Variants in RICTOR observed in about 807,000 individuals in gnomAD.
The protein encoded by RICTOR is RPTOR independent companion of MTOR complex 2.
Under a neutral mutation model 214.9 loss-of-function variants are expected in RICTOR, and 49 were observed. The ratio of observed to expected loss-of-function variants is 0.23; its 90% confidence interval spans 0.18 to 0.29. The LOEUF (loss-of-function observed/expected upper bound fraction) is 0.29. RICTOR is among the 10% of genes least tolerant of loss of function. The pLI, the probability that RICTOR is intolerant of heterozygous loss-of-function variation, is 1.00. For missense variants in RICTOR, 1,625 were observed against 2,047.0 expected, an observed-to-expected ratio of 0.79 and a Z score of 3.98; for synonymous variants, 717 against 711.3, an observed-to-expected ratio of 1.01 and a Z score of -0.13.
chr5:38,990,635 C>CAGATATATATCAGATATATCATATATA (rs1561501619), intron 7 of RICTOR, among the ~76,000 whole-genome samples: 1 of 46,068 alleles, frequency 2.2e-5, no homozygotes, highest in African/African-American at 7.9e-5. Flanking sequence ...ATATATATAT[C>CAGATATATATCAGATATATCATATATA]TGACATATAT....
intron 2 of RICTOR, among the ~76,000 whole-genome samples, chr5:39,032,518 C>A (rs1756348038): frequency 6.6e-6 from 1 of 152,160 alleles, no homozygotes; most frequent in South Asian, 2.1e-4. Flanking sequence ...GAAGTCATCA[C>A]ATCATGCTAA....
chr5:39,034,438 C>A (rs1756505095), intron 2 of RICTOR, among the ~76,000 whole-genome samples: 1 of 152,232 alleles, frequency 6.6e-6, no homozygotes, highest in African/African-American at 2.4e-5. Flanking sequence ...GTAACGGGTT[C>A]ATCTCACTGG....
At chr5:39,024,417 A>G (rs1755655210) in intron 2 of RICTOR, among the ~76,000 whole-genome samples, 2 of 152,234 alleles carry the variant, frequency 1.3e-5, no homozygotes, top group African/African-American at 2.4e-5. Context: ...GTATTTAGTA[A>G]TATCTTTTCA....
At chr5:38,994,413 T>C (rs1325986406) in intron 6 of RICTOR, among the ~76,000 whole-genome samples, 1 of 51,552 alleles carries the variant, frequency 1.9e-5, no homozygotes, top group Non-Finnish European at 3.8e-5. Flanking sequence ...GCTGCCAAGG[T>C]TTTACTAAAA....
At chr5:39,049,439 C>T (rs954632397) in intron 2 of RICTOR, among the ~76,000 whole-genome samples, 1 of 152,082 alleles carries the variant, frequency 6.6e-6, no homozygotes, top group South Asian at 2.1e-4. Context: ...GTAATACAGT[C>T]TCTGTTTCAA....
intron 2 of RICTOR, among the ~76,000 whole-genome samples, chr5:39,055,285 T>G (rs1758126245): frequency 6.6e-6 from 1 of 152,158 alleles, no homozygotes; most frequent in African/African-American, 2.4e-5. Context: ...CCATACTGGT[T>G]CTTTCCTGTC....
chr5:39,057,385 C>A (rs1314569242), intron 2 of RICTOR, among the ~76,000 whole-genome samples: 3 of 151,980 alleles, frequency 2.0e-5, no homozygotes, highest in African/African-American at 4.8e-5. Flanking sequence ...GGGATGTCTG[C>A]GAAATTAATC....
At chr5:38,945,347 C>T in intron 34 of RICTOR, 144 bp downstream of exon 34, 1 of 636,162 alleles carries the variant, frequency 1.6e-6, no homozygotes, top group East Asian at 2.7e-5. Context: ...AGCATCTCAG[C>T]ATAACATAAT....
At chr5:38,990,534 TACGATATATAC>T (rs1257393160) in intron 7 of RICTOR, among the ~76,000 whole-genome samples, 1 of 22,768 alleles carries the variant, frequency 4.4e-5, no homozygotes, top group African/African-American at 8.9e-5. Context: ...ACGATATATA[TACGATATATAC>T]ACGATATACA....
rs755415872 is a variant in RICTOR at position 38,960,470 on chromosome 5, C to T, written c.1779G>A (p.Leu593=). ...PSSKLYANLD[L]DFAKAKQLTV... is the part of the protein sequence containing the mutation. The stretch of plus-strand genomic sequence containing the variant: ...TGAGCTGTTTGGCCTTGGCAAAATC[C>T]AGATCCAGGTTGGCATATAATTTAC... The change falls in exon 20 of 38, where the codon CTG becomes CTA. Residue 593 remains leucine, a synonymous_variant. Transcript: ENST00000357387. 1.9e-6 allele frequency: 3 copies of T among 1,613,886 alleles called. No individual in the cohort carries two copies. The highest frequency in any genetic ancestry group is 2.5e-6 in the Non-Finnish European group (3 of 1,179,818).
intron 15 of RICTOR, 102 bp from the exon 16 acceptor site, chr5:38,964,994 TTC>T (rs1750101828): frequency 1.4e-5 from 8 of 580,740 alleles, no homozygotes; most frequent in Non-Finnish European, 2.1e-5. Flanking sequence ...CTATTACAAA[TTC>T]TGAGGTTTTA....
intron 2 of RICTOR, among the ~76,000 whole-genome samples, chr5:39,073,410 C>T (rs143963298): frequency 2.3e-3 from 344 of 152,266 alleles, no homozygotes; most frequent in African/African-American, 8.0e-3. Context: ...TTCCCCAGTT[C>T]GGAAGGTGTA....
intron 2 of RICTOR, among the ~76,000 whole-genome samples, chr5:39,060,521 T>C (rs888690724): frequency 6.6e-6 from 1 of 151,624 alleles, no homozygotes; most frequent in Non-Finnish European, 1.5e-5. Context: ...TTACAGAGGG[T>C]AGTAATAAAT....
chr5:38,958,352 G>T, intron 24 of RICTOR, 91 bp downstream of exon 24: 1 of 812,894 alleles, frequency 1.2e-6, no homozygotes, highest in Non-Finnish European at 2.2e-6. Context: ...ACTCTTCAGC[G>T]TACTTCCCAT....
intron 2 of RICTOR, among the ~76,000 whole-genome samples, chr5:39,025,519 CA>C (rs1701896066): frequency 6.6e-6 from 1 of 152,180 alleles, no homozygotes; most frequent in Non-Finnish European, 1.5e-5. Context: ...TAAGTCAGTT[CA>C]GTATACTATA....
chr5:38,972,385 A>C (rs1750859760), intron 10 of RICTOR, among the ~76,000 whole-genome samples: 2 of 152,240 alleles, frequency 1.3e-5, no homozygotes, highest in African/African-American at 4.8e-5. Context: ...AGTATAAGTA[A>C]TAGACTTCAA....
chr5:38,992,964 A>ATT (rs1249947986), intron 6 of RICTOR, among the ~76,000 whole-genome samples: 1 of 152,234 alleles, frequency 6.6e-6, no homozygotes, highest in Non-Finnish European at 1.5e-5. Context: ...CTAATATTTG[A>ATT]GCTCAGACTA....
intron 9 of RICTOR, among the ~76,000 whole-genome samples, chr5:38,977,533 T>C (rs763848595): frequency 3.3e-5 from 5 of 151,468 alleles, no homozygotes; most frequent in Non-Finnish European, 7.4e-5. Flanking sequence ...AAGTAGATCA[T>C]GGTATGTTAG....
chr5:38,962,224 T>A, intron 19 of RICTOR, 91 bp downstream of exon 19: 1 of 531,742 alleles, frequency 1.9e-6, no homozygotes. Context: ...TATGTATATG[T>A]CTTTAAAATT....
Sources: gnomAD v4.1 joint callset for allele counts (sites outside exome capture counted in the v4.1 genomes callset) on GRCh38, gnomAD v4.1.1 for gene constraint, MANE v1.5 for transcripts, NCBI Gene and HGNC (gene_info 2026-07-23, HGNC 2026-07-21) for gene names.